Variants in RHBDF2 observed in about 807,000 individuals in gnomAD.
The protein encoded by RHBDF2 is rhomboid 5 homolog 2.
In RHBDF2, 38 loss-of-function variants were observed where a neutral mutation model predicts 95.2. That is an observed-to-expected ratio of 0.40 (90% CI 0.31 to 0.52). The LOEUF is 0.52. RHBDF2 is among the 20% of genes least tolerant of loss of function. The pLI, the probability that RHBDF2 is intolerant of heterozygous loss-of-function variation, is 0.56. For synonymous variants in RHBDF2, 442 were observed against 462.0 expected, an observed-to-expected ratio of 0.96 and a Z score of 0.55; for missense variants, 863 against 1,137.7, an observed-to-expected ratio of 0.76 and a Z score of 3.47.
At chr17:76,491,182 T>C (rs1036761247) in intron 1 of RHBDF2, among the ~76,000 whole-genome samples, 2 of 151,782 alleles carry the variant, frequency 1.3e-5, no homozygotes, top group East Asian at 1.9e-4. Flanking sequence ...AGAACGAGTG[T>C]CTAGTGGACC....
rs2073675290 is a variant in RHBDF2, at chr17:76,473,916, T to A, written c.1575-14A>T. The stretch of plus-strand genomic sequence containing the variant: ...TCCTCGCAGGTCCTGGAGACAGGGT[T>A]CAGATTGGGCTGTGGCACACCCAGC... On this transcript the variant is annotated splice_polypyrimidine_tract_variant and intron_variant, in intron 13 of 18. Coordinates refer to ENST00000675367, the MANE Select transcript of RHBDF2 (RefSeq NM_001005498.4). 6.2e-7 allele frequency: 1 copy of A among 1,613,696 alleles called. No individual in the cohort carries two copies. Among genetic ancestry groups the A allele is most frequent in the Non-Finnish European group, 8.5e-7 (1 of 1,179,922 alleles).
intron 7 of RHBDF2, 52 bp from the exon 8 acceptor site, chr17:76,477,350 C>T (rs528079382): frequency 1.3e-6 from 2 of 1,570,176 alleles, no homozygotes; most frequent in African/African-American, 1.4e-5. Context: ...CCAAACACTG[C>T]CCCCCGGAAC....
intron 1 of RHBDF2, among the ~76,000 whole-genome samples, chr17:76,492,548 C>T (rs1163256660): frequency 6.6e-6 from 1 of 152,210 alleles, no homozygotes; most frequent in Non-Finnish European, 1.5e-5. Flanking sequence ...AAGGGTCCCC[C>T]CGCCATGCGG....
rs966506346 is a variant in RHBDF2, at chr17:76,487,712, C to G, written c.-22G>C. 5 of 152,690 alleles carry G rather than the reference C, an allele frequency of 3.3e-5. No individual in the cohort carries two copies. The highest frequency in any genetic ancestry group is 1.2e-4 in the African/African-American group (5 of 41,484). 9.5% of individuals were successfully genotyped at this position (152,690 alleles called of 1,614,324 possible). On this transcript the variant is annotated splice_region_variant and 5_prime_UTR_variant, in exon 2 of 19. Coordinates refer to ENST00000675367, the MANE Select transcript of RHBDF2 (RefSeq NM_001005498.4). ...GCCACCCGGCCGCCCAGCTTCCTAC[C>G]TTCGAGTCTGAGTTTGCCCGCGGCT...
At chr17:76,494,258 C>T (rs1468328323) in intron 1 of RHBDF2, among the ~76,000 whole-genome samples, 2 of 152,206 alleles carry the variant, frequency 1.3e-5, no homozygotes, top group Non-Finnish European at 2.9e-5. Context: ...CCCTCCTCGG[C>T]TGGGGTTCCT....
Position 76,472,061 on chromosome 17 carries a change from G to C in RHBDF2, c.2065-9C>G. ...GAGCCGGCCGGGCCCACCTGGGGCG[G>C]GGCAGGGGAGACGTGGCTTCAGGCA... On this transcript the variant is annotated splice_polypyrimidine_tract_variant and intron_variant, in intron 18 of 18. Transcript: ENST00000675367. 6.5e-7 allele frequency: 1 copy of C among 1,547,280 alleles called. No homozygotes were observed. The highest frequency in any genetic ancestry group is 2.0e-5 in the Admixed American group (1 of 51,276).
intron 1 of RHBDF2, among the ~76,000 whole-genome samples, chr17:76,496,213 G>A (rs1013891433): frequency 9.9e-5 from 15 of 152,192 alleles, no homozygotes; most frequent in African/African-American, 3.4e-4. Context: ...CACACCCAAC[G>A]CCCAGTTGGA....
At position 76,496,288 on chromosome 17, in the gene RHBDF2, G is replaced by A. The variant is rs545583276; in HGVS notation, c.-220+5065C>T. 2.6e-5 allele frequency among the ~76,000 whole-genome samples: 4 copies of A among 152,352 alleles called. 1 individual carries two copies. In the South Asian group the frequency reaches 6.2e-4, roughly 24 times the overall value. On this transcript the variant is annotated intron_variant, in intron 1 of 18. Coordinates refer to ENST00000675367, the MANE Select transcript of RHBDF2 (RefSeq NM_001005498.4). ...CACTTAGTCTCTATCTGAGCCACGA[G>A]CCCCACAGGGGACAGATCTCTATTC... is the stretch of plus-strand genomic sequence containing the variant.
Position 76,471,014 on chromosome 17 carries a change from T to C in RHBDF2, c.*619A>G, listed in dbSNP as rs2289802. On this transcript the variant is annotated 3_prime_UTR_variant, in exon 19 of 19. Transcript: ENST00000675367. ...AACGGGCCTGATGCGCCTCGAGCAC[T>C]CCCTGGGAGCAGGCCCTGGGGTGGC... 11,663 of 153,164 alleles carry C rather than the reference T, an allele frequency of 0.076. 929 individuals carry two copies. The highest frequency in any genetic ancestry group is 0.19 in the African/African-American group (7,957 of 41,508). The allele number at this position is 153,164 out of a possible 1,614,324, so 9.5% of individuals were successfully genotyped here.
chr17:76,473,172 G>A, intron 16 of RHBDF2, 67 bp from the exon 17 acceptor site: 14 of 1,583,212 alleles, frequency 8.8e-6, no homozygotes, highest in Non-Finnish European at 1.2e-5. Context: ...GACATGGGAG[G>A]GAGTGCGTGA....
At chr17:76,496,970 G>C (rs562717452) in intron 1 of RHBDF2, among the ~76,000 whole-genome samples, 69 of 152,126 alleles carry the variant, frequency 4.5e-4, no homozygotes, top group Non-Finnish European at 9.3e-4. Flanking sequence ...CACCGTATTA[G>C]CCAGGATGGT....
chr17:76,473,422 G>T, intron 15 of RHBDF2, 95 bp from the exon 16 acceptor site: 1 of 1,207,204 alleles, frequency 8.3e-7, no homozygotes, highest in Non-Finnish European at 1.2e-6. Context: ...AGGAGGCATC[G>T]CTGGCAGGAA....
At chr17:76,474,665 C>T in intron 11 of RHBDF2, 65 bp downstream of exon 11, 1 of 1,613,684 alleles carries the variant, frequency 6.2e-7, no homozygotes, top group Non-Finnish European at 8.5e-7. Context: ...CCCACCTGCC[C>T]AGCTGGGAGT....
chr17:76,471,486 G>T lies in RHBDF2; in HGVS notation c.*147C>A, dbSNP rs752630706. The T allele has an allele frequency of 1.8e-4, 160 of 889,852 alleles. No individual in the cohort carries two copies. Among genetic ancestry groups the T allele is most frequent in the Non-Finnish European group, 2.0e-4 (117 of 596,812 alleles). 55.1% of individuals were successfully genotyped at this position (889,852 alleles called of 1,614,324 possible). A position where few individuals can be genotyped will look rare whatever the true frequency, so the allele number is the denominator to read the frequency against. ...AACCATCTCACGCGGAGTCAGCCTC[G>T]CCTGGCAGGGGGGCACCCAGGTCCA... On this transcript the variant is annotated 3_prime_UTR_variant, in exon 19 of 19. Coordinates refer to ENST00000675367, the MANE Select transcript of RHBDF2 (RefSeq NM_001005498.4).
intron 3 of RHBDF2, among the ~76,000 whole-genome samples, chr17:76,480,226 G>A (rs2073924191): frequency 2.6e-5 from 4 of 151,158 alleles, no homozygotes; most frequent in Middle Eastern, 3.4e-3. Context: ...GGGACTATAG[G>A]CATGTGCCAC....
chr17:76,486,360 C>T (rs2074129480), intron 2 of RHBDF2, among the ~76,000 whole-genome samples: 1 of 152,152 alleles, frequency 6.6e-6, no homozygotes, highest in African/African-American at 2.4e-5. Flanking sequence ...GCTTCGGCCT[C>T]TCAGAAAGTG....
intron 1 of RHBDF2, among the ~76,000 whole-genome samples, chr17:76,498,425 G>A (rs908676420): frequency 1.3e-5 from 2 of 152,248 alleles, no homozygotes; most frequent in Admixed American, 6.5e-5. Context: ...AGTGTGGAGG[G>A]GGAGAGGCAG....
At chr17:76,479,461 C>A in intron 4 of RHBDF2, 184 bp from the exon 5 acceptor site, 1 of 934,208 alleles carries the variant, frequency 1.1e-6, no homozygotes, top group Non-Finnish European at 1.7e-6. Flanking sequence ...ATGACGGGAG[C>A]GTGAGGAGCC....
intron 1 of RHBDF2, among the ~76,000 whole-genome samples, chr17:76,500,138 T>G (rs183185919): frequency 6.6e-6 from 1 of 152,160 alleles, no homozygotes; most frequent in African/African-American, 2.4e-5. Context: ...AGGAACCTGA[T>G]GGACCAGCTG....
Sources: gnomAD v4.1 joint callset for allele counts (sites outside exome capture counted in the v4.1 genomes callset) on GRCh38, gnomAD v4.1.1 for gene constraint, MANE v1.5 for transcripts, NCBI Gene and HGNC (gene_info 2026-07-23, HGNC 2026-07-21) for gene names.